IL1RAPL1: variants seen among roughly 807,000 people sequenced by gnomAD.
IL1RAPL1 encodes the protein interleukin 1 receptor accessory protein like 1, also known as interleukin-1 receptor accessory protein-like 1.
In IL1RAPL1, 3 loss-of-function variants were observed where a neutral mutation model predicts 48.4. The ratio of observed to expected loss-of-function variants is 0.06; its 90% CI spans 0.03 to 0.16. IL1RAPL1 has a LOEUF of 0.16. Ranked by LOEUF, IL1RAPL1 falls within the 10% of genes least tolerant of loss-of-function variation. The probability of loss-of-function intolerance (pLI) is 1.00; values close to 1 mark genes in which losing one functional copy is unlikely to be tolerated. For missense variants in IL1RAPL1, 349 were observed against 530.6 expected, an observed-to-expected ratio of 0.66 and a Z score of 3.36; for synonymous variants, 185 against 187.7, an observed-to-expected ratio of 0.99 and a Z score of 0.12.
At chrX:29,601,371 A>C (rs996921508) in intron 5 of IL1RAPL1, among the ~76,000 whole-genome samples, 36 of 112,074 alleles carry the variant, frequency 3.2e-4, no homozygotes, top group African/African-American at 1.2e-3. Context: ...GATCATTCCT[A>C]TGTAAGATAA....
At chrX:29,396,855 T>A (rs1933925298) in intron 4 of IL1RAPL1, among the ~76,000 whole-genome samples, 2 of 112,050 alleles carry the variant, frequency 1.8e-5, no homozygotes, top group South Asian at 7.3e-4. Context: ...TAGTTTTTCA[T>A]GGAATGTTCT....
intron 2 of IL1RAPL1, among the ~76,000 whole-genome samples, chrX:29,088,774 C>CA (rs1928014151): frequency 9.4e-6 from 1 of 105,879 alleles, no homozygotes; most frequent in Admixed American, 1.0e-4. Context: ...TACGAACTAA[C>CA]ACATAGTGCT....
chrX:28,682,869 A>G (rs2146920785), intron 1 of IL1RAPL1, among the ~76,000 whole-genome samples: 1 of 112,207 alleles, frequency 8.9e-6, no homozygotes, highest in Non-Finnish European at 1.9e-5. Context: ...TGAAGAAAGC[A>G]CAAATATACT....
At position 29,652,165 on chromosome X, in the gene IL1RAPL1, T is replaced by A. The variant is rs181233791; in HGVS notation, c.704-16265T>A. ...TTCCTTGACTAGTCAAATCAAAAAA[T>A]TTTTTTGGAATATCTTCTGTTTTAC... On this transcript the variant is annotated intron_variant, in intron 5 of 10. Coordinates refer to ENST00000378993, the MANE Select transcript of IL1RAPL1 (RefSeq NM_014271.4). 3.6e-4 allele frequency among the ~76,000 whole-genome samples: 40 copies of A among 112,006 alleles called. No homozygotes were observed. In the East Asian group the frequency reaches 8.1e-3, roughly 23 times the overall value.
chrX:28,640,563 C>A (rs1339853900), intron 1 of IL1RAPL1, among the ~76,000 whole-genome samples: 1 of 109,015 alleles, frequency 9.2e-6, no homozygotes, highest in Non-Finnish European at 1.9e-5. Context: ...GTTGGCCAGG[C>A]TGGTCTCAAA....
chrX:29,056,954 C>T (rs1430236844), intron 2 of IL1RAPL1, among the ~76,000 whole-genome samples: 4 of 112,181 alleles, frequency 3.6e-5, no homozygotes, highest in African/African-American at 1.3e-4. Context: ...ATAAGATCCA[C>T]TTACATAAAT....
intron 2 of IL1RAPL1, among the ~76,000 whole-genome samples, chrX:29,275,720 T>A (rs1007451920): frequency 8.9e-6 from 1 of 112,002 alleles, no homozygotes; most frequent in African/African-American, 3.3e-5. Flanking sequence ...CTATACATGG[T>A]TTTTGACAAG....
At chrX:29,063,978 C>T (rs987969494) in intron 2 of IL1RAPL1, among the ~76,000 whole-genome samples, 1 of 111,823 alleles carries the variant, frequency 8.9e-6, no homozygotes, top group South Asian at 3.7e-4. Context: ...CTACAAACTG[C>T]CACACTGATT....
rs747202810 is a variant in IL1RAPL1 at position 29,226,391 on chromosome X, A to G, written c.83-56547A>G. Among the ~76,000 whole-genome samples the G allele has an allele frequency of 3.8e-5, 4 of 105,430 alleles. No homozygotes were observed. The South Asian group carries it at 1.7e-3, about 44-fold the overall frequency. The allele number at this position is 105,430 out of a possible 115,157, so 91.6% of individuals were successfully genotyped here. A position where few individuals can be genotyped will look rare whatever the true frequency, so the allele number is the denominator to read the frequency against. On this transcript the variant is annotated intron_variant, in intron 2 of 10. Transcript: ENST00000378993. ...TCCACAGTTGTATTTTGTTTTAATT[A>G]TTCTCATTAAGCCCCTAGCAAACAG... is the stretch of plus-strand genomic sequence containing the variant.
chrX:28,668,538 G>A (rs1934908860), intron 1 of IL1RAPL1, among the ~76,000 whole-genome samples: 1 of 113,585 alleles, frequency 8.8e-6, no homozygotes, highest in African/African-American at 3.2e-5. Flanking sequence ...GGCTATAGGC[G>A]TGAGCCACCG....
intron 1 of IL1RAPL1, among the ~76,000 whole-genome samples, chrX:28,658,634 C>T (rs1262977258): frequency 9.1e-6 from 1 of 110,418 alleles, no homozygotes; most frequent in Non-Finnish European, 1.9e-5. Flanking sequence ...TGTAGGACAA[C>T]TCAGTCAGAA....
At chrX:29,808,448 A>G (rs1477779927) in intron 6 of IL1RAPL1, among the ~76,000 whole-genome samples, 2 of 111,773 alleles carry the variant, frequency 1.8e-5, no homozygotes, top group African/African-American at 3.2e-5. Context: ...TAGAGTTGCA[A>G]TAAGGTTCAG....
intron 3 of IL1RAPL1, among the ~76,000 whole-genome samples, chrX:29,327,148 C>A (rs951663962): frequency 9.0e-6 from 1 of 111,116 alleles, no homozygotes; most frequent in African/African-American, 3.3e-5. Context: ...TACTAAGATG[C>A]TGGTATTTTA....
At position 29,457,711 on chromosome X, in the gene IL1RAPL1, T is replaced by G. The variant is rs540494078; in HGVS notation, c.703+58403T>G. Among the ~76,000 whole-genome samples the G allele has an allele frequency of 3.6e-5, 4 of 112,226 alleles. No homozygotes were observed. In the South Asian group the frequency reaches 1.5e-3, roughly 41 times the overall value. ...TTTGGTAGAATTATTTGTTTTCTTT[T>G]GGATATATATTTAGTAATGGGATTA... On this transcript the variant is annotated intron_variant, in intron 5 of 10. Transcript: ENST00000378993.
At chrX:29,653,332 A>G (rs994700897) in intron 5 of IL1RAPL1, among the ~76,000 whole-genome samples, 4 of 111,920 alleles carry the variant, frequency 3.6e-5, no homozygotes, top group African/African-American at 1.3e-4. Flanking sequence ...GTTGTTTGTA[A>G]CAGGCTTTTG....
At chrX:28,660,141 T>TGTGTG (rs1934805232) in intron 1 of IL1RAPL1, among the ~76,000 whole-genome samples, 3 of 54,569 alleles carry the variant, frequency 5.5e-5, no homozygotes, top group East Asian at 9.8e-4. Context: ...GTGTGTGTGT[T>TGTGTG]GGAGTTACTG....
chrX:28,843,439 C>T (rs1450160480), intron 2 of IL1RAPL1, among the ~76,000 whole-genome samples: 1 of 111,240 alleles, frequency 9.0e-6, no homozygotes, highest in Non-Finnish European at 1.9e-5. Context: ...AAAGAAAATG[C>T]CCCAGGTACC....
intron 2 of IL1RAPL1, among the ~76,000 whole-genome samples, chrX:28,826,919 A>G (rs4893592): frequency 0.17 from 18,655 of 110,289 alleles, 3,052 homozygotes; most frequent in African/African-American, 0.5. Context: ...TGCATATTCA[A>G]GTAGTTTCAG....
At chrX:29,890,773 C>T (rs1219533848) in intron 6 of IL1RAPL1, among the ~76,000 whole-genome samples, 1 of 111,846 alleles carries the variant, frequency 8.9e-6, no homozygotes, top group Non-Finnish European at 1.9e-5. Context: ...GTGTCTAGAA[C>T]ACACTCTCAC....
Sources: gnomAD v4.1 joint callset for allele counts (sites outside exome capture counted in the v4.1 genomes callset) on GRCh38, gnomAD v4.1.1 for gene constraint, MANE v1.5 for transcripts, NCBI Gene and HGNC (gene_info 2026-07-23, HGNC 2026-07-21) for gene names.